EEIG2: variants seen among roughly 807,000 people sequenced by gnomAD.
EEIG2 encodes family with sequence similarity 102 member B.
chr1:108,597,620 A>G, the EEIG2 span, among the ~76,000 whole-genome samples: 1 of 152,118 alleles, frequency 6.6e-6, no homozygotes, highest in African/African-American at 2.4e-5. Context: ...TGCCAGCATG[A>G]GGTTCAAATT....
chr1:108,579,762 T>A, the EEIG2 span, among the ~76,000 whole-genome samples: 61 of 22,968 alleles, frequency 2.7e-3, no homozygotes, highest in Non-Finnish European at 5.7e-3. Context: ...TGTGTGTGTG[T>A]GTGTGTGTGT....
At chr1:108,575,774 CAGAA>C in the EEIG2 span, among the ~76,000 whole-genome samples, 1 of 152,138 alleles carries the variant, frequency 6.6e-6, no homozygotes, top group South Asian at 2.1e-4. Flanking sequence ...TCTACAGAGA[CAGAA>C]AGTAGATTAG....
the EEIG2 span, among the ~76,000 whole-genome samples, chr1:108,561,984 T>C: frequency 2.0e-5 from 3 of 152,220 alleles, no homozygotes; most frequent in African/African-American, 2.4e-5. Flanking sequence ...CTCAGTTATG[T>C]TTATTTGGCT....
chr1:108,584,076 G>C, the EEIG2 span, among the ~76,000 whole-genome samples: 1 of 152,130 alleles, frequency 6.6e-6, no homozygotes, highest in Non-Finnish European at 1.5e-5. Flanking sequence ...GGTTTCAAGG[G>C]ATTAGAGAGC....
chr1:108,635,299 C>T, the EEIG2 span: 1 of 891,906 alleles, frequency 1.1e-6, no homozygotes. Context: ...GGACCCACCG[C>T]CATCCTGTAC....
At chr1:108,620,765 A>G in the EEIG2 span, among the ~76,000 whole-genome samples, 1 of 152,344 alleles carries the variant, frequency 6.6e-6, no homozygotes, top group African/African-American at 2.4e-5. Context: ...GGGTCCCAGG[A>G]TGCAATCATT....
At chr1:108,628,396 G>T in the EEIG2 span, 4 of 1,613,650 alleles carry the variant, frequency 2.5e-6, no homozygotes, top group South Asian at 2.2e-5. Flanking sequence ...CTCTGACAGG[G>T]TATAGCACGT....
the EEIG2 span, among the ~76,000 whole-genome samples, chr1:108,595,050 G>C: frequency 3.3e-5 from 5 of 152,000 alleles, no homozygotes. Context: ...TTACTCAGGC[G>C]AAAGCTGCCC....
the EEIG2 span, among the ~76,000 whole-genome samples, chr1:108,582,858 T>C: frequency 1.6e-4 from 24 of 152,058 alleles, no homozygotes; most frequent in Non-Finnish European, 3.2e-4. Flanking sequence ...GTAGAGCATA[T>C]TTGGGGGATG....
chr1:108,614,132 A>T, the EEIG2 span, among the ~76,000 whole-genome samples: 844 of 146,750 alleles, frequency 5.8e-3, 7 homozygotes, highest in African/African-American at 0.02. Flanking sequence ...CTGTCTATCC[A>T]GCTTAAATTT....
chr1:108,628,381 A>G, the EEIG2 span: 1 of 1,612,716 alleles, frequency 6.2e-7, no homozygotes, highest in Non-Finnish European at 8.5e-7. Context: ...ATCCAAGGTG[A>G]TTTTCTCTGA....
the EEIG2 span, chr1:108,600,465 A>G: frequency 3.0e-6 from 4 of 1,325,840 alleles, no homozygotes; most frequent in Non-Finnish European, 4.2e-6. Context: ...GGCTTTTAAC[A>G]CATTACTTTT....
the EEIG2 span, chr1:108,628,915 A>G: frequency 7.7e-6 from 7 of 911,826 alleles, no homozygotes; most frequent in South Asian, 1.4e-4. Flanking sequence ...GCATATTTGT[A>G]TAGTAAATTT....
At chr1:108,596,888 G>A in the EEIG2 span, among the ~76,000 whole-genome samples, 10 of 152,026 alleles carry the variant, frequency 6.6e-5, no homozygotes, top group South Asian at 2.1e-4. Flanking sequence ...ACAGGTGCAC[G>A]CCACCATAAG....
chr1:108,631,472 A>C, the EEIG2 span, among the ~76,000 whole-genome samples: 1 of 152,234 alleles, frequency 6.6e-6, no homozygotes, highest in Non-Finnish European at 1.5e-5. Context: ...TATAATAAAT[A>C]CTGTAATAGA....
the EEIG2 span, among the ~76,000 whole-genome samples, chr1:108,615,656 C>T: frequency 1.3e-5 from 2 of 151,804 alleles, no homozygotes; most frequent in Non-Finnish European, 1.5e-5. Flanking sequence ...GTAGTGTGCA[C>T]CTATAGTCCC....
the EEIG2 span, chr1:108,634,995 C>G: frequency 4.2e-6 from 4 of 951,634 alleles, no homozygotes; most frequent in African/African-American, 3.3e-5. Flanking sequence ...TTATGGAAAT[C>G]AAATCTAGTA....
At chr1:108,636,204 T>C in the EEIG2 span, 1 of 152,214 alleles carries the variant, frequency 6.6e-6, no homozygotes, top group Non-Finnish European at 1.5e-5. Flanking sequence ...GAATATAACA[T>C]CTATCAAATA....
the EEIG2 span, among the ~76,000 whole-genome samples, chr1:108,605,024 TAGAG>T: frequency 3.9e-5 from 6 of 151,964 alleles, no homozygotes; most frequent in South Asian, 2.1e-4. Flanking sequence ...GCCTGGTTGA[TAGAG>T]AGAGACCCTG....
Sources: allele counts gnomAD v4.1 joint callset (sites outside exome capture counted in the v4.1 genomes callset), GRCh38; gene constraint gnomAD v4.1.1; transcripts MANE v1.5; gene names NCBI Gene and HGNC (gene_info 2026-07-23, HGNC 2026-07-21).